RALGPS1: variants seen among roughly 807,000 people sequenced by gnomAD.
The protein encoded by RALGPS1 is ras-specific guanine nucleotide-releasing factor RalGPS1.
In RALGPS1, 19 loss-of-function variants were observed where a neutral mutation model predicts 78.8. The observed-to-expected ratio is 0.24, with a 90% CI of 0.17 to 0.35. The LOEUF is 0.35. Ranked by LOEUF, RALGPS1 falls within the 10% of genes least tolerant of loss-of-function variation. The probability of loss-of-function intolerance (pLI) is 1.00; values close to 1 mark genes in which losing one functional copy is unlikely to be tolerated. For synonymous variants in RALGPS1, 228 were observed against 256.3 expected, an observed-to-expected ratio of 0.89 and a Z score of 1.06; for missense variants, 454 against 688.3, an observed-to-expected ratio of 0.66 and a Z score of 3.81.
intron 8 of RALGPS1, among the ~76,000 whole-genome samples, chr9:127,076,740 G>A (rs2050712779): frequency 6.6e-6 from 1 of 152,200 alleles, no homozygotes; most frequent in African/African-American, 2.4e-5. Context: ...GTCCAGTTGT[G>A]ATCACCAGCA....
At chr9:127,160,483 G>C (rs1388728167) in intron 8 of RALGPS1, among the ~76,000 whole-genome samples, 1 of 152,210 alleles carries the variant, frequency 6.6e-6, no homozygotes, top group African/African-American at 2.4e-5. Flanking sequence ...GGCAGCTACA[G>C]CAGTGTCACC....
chr9:127,152,761 C>T, intron 8 of RALGPS1, among the ~76,000 whole-genome samples: 1 of 152,192 alleles, frequency 6.6e-6, no homozygotes, highest in East Asian at 1.9e-4. Flanking sequence ...GAGGGGCGGC[C>T]TAGTCTCTTC....
intron 4 of RALGPS1, among the ~76,000 whole-genome samples, chr9:127,025,657 G>T (rs1003349710): frequency 6.6e-6 from 1 of 151,892 alleles, no homozygotes; most frequent in Non-Finnish European, 1.5e-5. Context: ...TGCCATCCAC[G>T]CATCCTCCTG....
chr9:127,093,656 C>G (rs1162363201), intron 8 of RALGPS1: 1 of 1,550,014 alleles, frequency 6.5e-7, no homozygotes. Flanking sequence ...GTGGGCTCTT[C>G]TATTGGTTGC....
intron 8 of RALGPS1, among the ~76,000 whole-genome samples, chr9:127,145,329 G>A (rs2058036432): frequency 6.6e-6 from 1 of 152,214 alleles, no homozygotes; most frequent in Admixed American, 6.5e-5. Context: ...CCAGGCCACA[G>A]CGCTGGTCAG....
chr9:126,948,027 A>G (rs1588583841), intron 1 of RALGPS1, among the ~76,000 whole-genome samples: 2 of 152,006 alleles, frequency 1.3e-5, no homozygotes, highest in Admixed American at 1.3e-4. Context: ...CTTTATATTT[A>G]TATCCCTGTA....
chr9:127,078,538 A>T (rs2050884427), intron 8 of RALGPS1, among the ~76,000 whole-genome samples: 2 of 152,280 alleles, frequency 1.3e-5, no homozygotes, highest in Non-Finnish European at 2.9e-5. Flanking sequence ...GTCTCCATGG[A>T]AATAAACAGT....
At chr9:127,207,681 A>G (rs1012313888) in intron 14 of RALGPS1, among the ~76,000 whole-genome samples, 1 of 152,162 alleles carries the variant, frequency 6.6e-6, no homozygotes, top group Non-Finnish European at 1.5e-5. Flanking sequence ...CTCTATGCTG[A>G]TGCTGGCCTG....
chr9:127,117,881 G>C (rs1034154426), intron 8 of RALGPS1, among the ~76,000 whole-genome samples: 1 of 152,194 alleles, frequency 6.6e-6, no homozygotes, highest in East Asian at 1.9e-4. Context: ...TTGAAGATAA[G>C]AACAGAGTCC....
chr9:127,018,894 T>C (rs2045168060), intron 4 of RALGPS1, among the ~76,000 whole-genome samples: 1 of 152,170 alleles, frequency 6.6e-6, no homozygotes, highest in South Asian at 2.1e-4. Context: ...GTTAGCTCCA[T>C]TATAATCTGA....
At position 126,990,004 on chromosome 9, in the gene RALGPS1, C is replaced by T. The variant is rs41304850; in HGVS notation, c.216+12259C>T. The T allele has an allele frequency of 9.4e-4, 1,456 of 1,550,140 alleles. 2 individuals carry two copies. The highest frequency in any genetic ancestry group is 1.3e-3 in the Middle Eastern group (8 of 5,982). On this transcript the variant is annotated intron_variant, in intron 4 of 18. Transcript: ENST00000259351. The stretch of plus-strand genomic sequence containing the variant: ...ACTGCCTGTGGGTCCAGGAACCTGA[C>T]CCTCTGGCCTTTTGTCTGGATGCCG...
chr9:127,102,998 C>T (rs1309381838), intron 8 of RALGPS1, among the ~76,000 whole-genome samples: 2 of 152,346 alleles, frequency 1.3e-5, no homozygotes, highest in South Asian at 2.1e-4. Flanking sequence ...CACCCTCACT[C>T]GCCACCATCA....
chr9:126,940,683 C>T (rs1357970265), intron 1 of RALGPS1, among the ~76,000 whole-genome samples: 2 of 151,978 alleles, frequency 1.3e-5, no homozygotes, highest in South Asian at 2.1e-4. Context: ...CCTCGTGATC[C>T]GTCGAACAGG....
chr9:127,111,302 A>C (rs1766229), intron 8 of RALGPS1, among the ~76,000 whole-genome samples: 83,702 of 151,990 alleles, frequency 0.55, 23,751 homozygotes, highest in African/African-American at 0.67. Context: ...ACCTCACCAC[A>C]TTCCCCCTCC....
intron 8 of RALGPS1, among the ~76,000 whole-genome samples, chr9:127,095,611 C>T (rs2053043914): frequency 6.6e-6 from 1 of 152,226 alleles, no homozygotes; most frequent in Non-Finnish European, 1.5e-5. Flanking sequence ...GCTGACCTCA[C>T]TACCTCCTCC....
At chr9:127,027,875 C>CT (rs779792102) in intron 4 of RALGPS1, among the ~76,000 whole-genome samples, 7 of 152,352 alleles carry the variant, frequency 4.6e-5, no homozygotes, top group Non-Finnish European at 8.8e-5. Context: ...GGCAATCTCT[C>CT]TGAGCCTCAT....
intron 8 of RALGPS1, among the ~76,000 whole-genome samples, chr9:127,124,185 G>A (rs2056424076): frequency 6.6e-6 from 1 of 152,198 alleles, no homozygotes; most frequent in Non-Finnish European, 1.5e-5. Flanking sequence ...TGACTTGCTT[G>A]TGACCAGAGG....
intron 4 of RALGPS1, among the ~76,000 whole-genome samples, chr9:127,000,780 C>G (rs978604329): frequency 4.6e-5 from 7 of 151,318 alleles, no homozygotes; most frequent in African/African-American, 1.7e-4. Flanking sequence ...TCTCAAACTC[C>G]TGACCTCAGG....
intron 8 of RALGPS1, among the ~76,000 whole-genome samples, chr9:127,152,204 G>A (rs960978332): frequency 1.1e-4 from 16 of 152,188 alleles, no homozygotes; most frequent in African/African-American, 3.6e-4. Context: ...GGAATAGACT[G>A]TGTGGGGAGG....
Sources: gnomAD v4.1 joint callset for allele counts (sites outside exome capture counted in the v4.1 genomes callset) on GRCh38, gnomAD v4.1.1 for gene constraint, MANE v1.5 for transcripts, NCBI Gene and HGNC (gene_info 2026-07-23, HGNC 2026-07-21) for gene names.